Variants in WWOX observed in about 807,000 individuals in gnomAD.
WWOX encodes the protein WW domain-containing oxidoreductase.
WWOX carries 69 observed loss-of-function variants against 46.2 expected under a neutral mutation model. That is an observed-to-expected ratio of 1.49 (90% CI 1.23 to 1.82). WWOX has a LOEUF of 1.82. Ranked by LOEUF, WWOX falls within the 40% of genes most tolerant of loss-of-function variation. The pLI is 0.00. For synonymous variants in WWOX, 359 were observed against 202.6 expected (o/e 1.77, Z -6.56); for missense variants, 919 against 542.6 (o/e 1.69, Z -6.89).
At position 78,339,195 on chromosome 16, in the gene WWOX, G is replaced by A. The variant is rs1457813651; in HGVS notation, c.517-47665G>A. Among the ~76,000 whole-genome samples, 9 of 119,326 alleles carry A rather than the reference G, an allele frequency of 7.5e-5. 4 individuals are homozygous for A. The allele number at this position is 119,326 out of a possible 152,430, so 78.3% of individuals were successfully genotyped here. ...TTTAAATTGTTATAAATAAGTAAGT[G>A]TATGCACCACTATGCCATGTAGCAT... On this transcript the variant is annotated intron_variant, in intron 5 of 8. Transcript: ENST00000566780.
intron 8 of WWOX, among the ~76,000 whole-genome samples, chr16:78,753,161 G>T (rs1042126388): frequency 6.6e-6 from 1 of 152,094 alleles, no homozygotes; most frequent in Admixed American, 6.5e-5. Flanking sequence ...TTAGCCGGGC[G>T]TGGGGGCAGG....
At chr16:79,086,769 G>A (rs910563970) in intron 8 of WWOX, among the ~76,000 whole-genome samples, 7 of 152,218 alleles carry the variant, frequency 4.6e-5, no homozygotes, top group African/African-American at 1.7e-4. Flanking sequence ...TGTAGTCCTA[G>A]CTATGTAGGA....
chr16:78,170,472 G>T (rs1471333877), intron 5 of WWOX, among the ~76,000 whole-genome samples: 1 of 152,332 alleles, frequency 6.6e-6, no homozygotes, highest in South Asian at 2.1e-4. Context: ...ACGCATGAAA[G>T]TGCAAAGTGA....
At chr16:78,476,017 C>G (rs2084340784) in intron 8 of WWOX, among the ~76,000 whole-genome samples, 1 of 152,276 alleles carries the variant, frequency 6.6e-6, no homozygotes, top group African/African-American at 2.4e-5. Context: ...CACCCCAACT[C>G]CTTACTCATG....
At chr16:79,203,055 T>A (rs2051394380) in intron 8 of WWOX, 1 of 152,206 alleles carries the variant, frequency 6.6e-6, no homozygotes. Context: ...GAGGCAGAAT[T>A]ATTTACCCGG....
intron 4 of WWOX, among the ~76,000 whole-genome samples, chr16:78,159,674 T>G (rs2034722448): frequency 3.2e-5 from 2 of 62,884 alleles, no homozygotes; most frequent in South Asian, 5.3e-4. Flanking sequence ...AATCTGTGGT[T>G]TTTTTTTTTT....
chr16:78,850,310 G>A (rs191995568), intron 8 of WWOX, among the ~76,000 whole-genome samples: 13 of 151,904 alleles, frequency 8.6e-5, no homozygotes, highest in Non-Finnish European at 1.3e-4. Context: ...GAGTTTTTTC[G>A]CCTCCATAAT....
chr16:78,470,844 C>T (rs1373100866), intron 8 of WWOX, among the ~76,000 whole-genome samples: 1 of 152,174 alleles, frequency 6.6e-6, no homozygotes, highest in Non-Finnish European at 1.5e-5. Flanking sequence ...GACCCCACTG[C>T]TATTGTCCAG....
intron 8 of WWOX, among the ~76,000 whole-genome samples, chr16:78,728,924 C>T (rs1267712826): frequency 5.3e-5 from 8 of 152,162 alleles, no homozygotes; most frequent in Admixed American, 3.3e-4. Flanking sequence ...GTCATTCCAA[C>T]GGTGTGGAGA....
At chr16:78,689,325 C>G (rs1160825295) in intron 8 of WWOX, among the ~76,000 whole-genome samples, 2 of 152,208 alleles carry the variant, frequency 1.3e-5, no homozygotes, top group African/African-American at 4.8e-5. Flanking sequence ...CTTAGTCCTG[C>G]TCATGCTCTC....
chr16:78,616,870 C>T lies in WWOX; in HGVS notation c.1056+184118C>T, dbSNP rs573448421. Among the ~76,000 whole-genome samples, 22 of 152,272 alleles carry T rather than the reference C, an allele frequency of 1.4e-4. No homozygotes were observed. The South Asian group carries it at 1.5e-3, about 10-fold the overall frequency. On this transcript the variant is annotated intron_variant, in intron 8 of 8. Coordinates refer to ENST00000566780, the MANE Select transcript of WWOX (RefSeq NM_016373.4). Reference sequence around the variant, plus strand: ...CCAAAGTCCGCACTTCCTAATGTTACCACTCTGGAGGTTAGAATTTCAACA... The same window carrying T: ...CCAAAGTCCGCACTTCCTAATGTTATCACTCTGGAGGTTAGAATTTCAACA...
At chr16:78,666,446 C>G (rs2047335093) in intron 8 of WWOX, among the ~76,000 whole-genome samples, 1 of 152,154 alleles carries the variant, frequency 6.6e-6, no homozygotes. Flanking sequence ...CCATTACATG[C>G]TTACAGCCTA....
intron 8 of WWOX, among the ~76,000 whole-genome samples, chr16:78,488,969 C>T (rs542428392): frequency 6.6e-6 from 1 of 152,290 alleles, no homozygotes; most frequent in South Asian, 2.1e-4. Flanking sequence ...CTTGTTGCCT[C>T]CTGCATGTAG....
intron 8 of WWOX, among the ~76,000 whole-genome samples, chr16:79,072,530 CATTA>C (rs1311552044): frequency 6.6e-6 from 1 of 152,182 alleles, no homozygotes; most frequent in Non-Finnish European, 1.5e-5. Context: ...ATCTAGATCT[CATTA>C]ATCTGTATTC....
chr16:78,467,229 CA>C (rs1328715054), intron 8 of WWOX, among the ~76,000 whole-genome samples: 1 of 152,096 alleles, frequency 6.6e-6, no homozygotes, highest in East Asian at 1.9e-4. Context: ...CCCTTTCTGG[CA>C]GAGGGCTTTT....
chr16:78,634,831 A>AGT (rs2046526910), intron 8 of WWOX, among the ~76,000 whole-genome samples: 2 of 111,356 alleles, frequency 1.8e-5, no homozygotes, highest in Non-Finnish European at 3.9e-5. Context: ...AGAGAGAGAG[A>AGT]GAGAGAGTGT....
Position 78,983,682 on chromosome 16 carries a change from T to G in WWOX, c.1057-227926T>G, listed in dbSNP as rs370577765. ...ATCGGCTGCAGGATGAAACTAGTCT[T>G]GATCCCTGAATGACTGCGTGGAGCA... On this transcript the variant is annotated intron_variant, in intron 8 of 8. Coordinates refer to ENST00000566780, the MANE Select transcript of WWOX (RefSeq NM_016373.4). 8.9e-4 allele frequency among the ~76,000 whole-genome samples: 135 copies of G among 152,212 alleles called. 2 individuals carry two copies. In the South Asian group the frequency reaches 0.023, roughly 26 times the overall value.
intron 8 of WWOX, among the ~76,000 whole-genome samples, chr16:79,080,718 GC>G (rs2048745158): frequency 6.6e-6 from 1 of 152,180 alleles, no homozygotes; most frequent in South Asian, 2.1e-4. Context: ...TGTAATCCCA[GC>G]CACTTGGGAG....
chr16:78,355,330 C>T (rs921679944), intron 5 of WWOX, among the ~76,000 whole-genome samples: 7 of 151,996 alleles, frequency 4.6e-5, no homozygotes, highest in Non-Finnish European at 8.8e-5. Context: ...GTGCTGGGCG[C>T]AGTGGCTCAC....
Sources: gnomAD v4.1 joint callset for allele counts (sites outside exome capture counted in the v4.1 genomes callset) on GRCh38, gnomAD v4.1.1 for gene constraint, MANE v1.5 for transcripts, NCBI Gene and HGNC (gene_info 2026-07-23, HGNC 2026-07-21) for gene names.